The following KIAA1217 variants were observed in gnomAD, a reference collection of about 807,000 sequenced individuals.
KIAA1217 encodes the protein KIAA1217.
A neutral mutation model predicts 163.9 loss-of-function variants in KIAA1217; 88 were observed. The observed-to-expected ratio is 0.54, with a 90% CI of 0.45 to 0.64. The LOEUF (loss-of-function observed/expected upper bound fraction) is 0.64, where lower values mean the gene tolerates loss of function less well. Among genes scored for constraint, KIAA1217 ranks in the 30% least tolerant of loss-of-function variants. The probability of loss-of-function intolerance (pLI) is 0.00; values close to 1 mark genes in which losing one functional copy is unlikely to be tolerated. For synonymous variants in KIAA1217, 903 were observed against 923.1 expected, an observed-to-expected ratio of 0.98 and a Z score of 0.39; for missense variants, 2,372 against 2,475.0, an observed-to-expected ratio of 0.96 and a Z score of 0.88.
Position 24,501,518 on chromosome 10 carries a change from C to T in KIAA1217, c.1974C>T (p.Leu658=), listed in dbSNP as rs1351945888. ...EMRRSVAELR[L]QLQQMRQLQL... is the part of the protein sequence containing the mutation. ...GGCGGAGCGTGGCGGAACTCAGGCT[C>T]CAGCTCCAGCAGATGCGGCAGCTCC... The change falls in exon 9 of 21, where the codon CTC becomes CTT. Residue 658 remains leucine, a synonymous_variant. Coordinates refer to ENST00000376454, the MANE Select transcript of KIAA1217 (RefSeq NM_019590.5). The T allele has an allele frequency of 6.2e-7, 1 of 1,613,676 alleles. No homozygotes were observed. The highest frequency in any genetic ancestry group is 1.7e-5 in the Admixed American group (1 of 60,002).
At chr10:24,520,301 C>A (rs759877354) in intron 11 of KIAA1217, 48 bp downstream of exon 11, 2 of 1,599,762 alleles carry the variant, frequency 1.3e-6, no homozygotes, top group Non-Finnish European at 1.7e-6. Context: ...GTCTTTCCTG[C>A]GGTGTTTAAA....
At chr10:24,531,577 C>T (rs2135051078) in intron 14 of KIAA1217, among the ~76,000 whole-genome samples, 1 of 152,214 alleles carries the variant, frequency 6.6e-6, no homozygotes, top group East Asian at 1.9e-4. Context: ...TTATGACACC[C>T]CAGAGGAAAG....
At chr10:24,338,736 T>C (rs2046705039) in intron 2 of KIAA1217, among the ~76,000 whole-genome samples, 1 of 152,252 alleles carries the variant, frequency 6.6e-6, no homozygotes, top group Admixed American at 6.5e-5. Flanking sequence ...ATATTGTCAA[T>C]TTGAGGCATT....
intron 1 of KIAA1217, among the ~76,000 whole-genome samples, chr10:23,811,699 G>A: frequency 6.6e-6 from 1 of 152,166 alleles, no homozygotes; most frequent in East Asian, 1.9e-4. Flanking sequence ...GGCGATGGCA[G>A]TGGGAGACTG....
chr10:24,308,047 C>T (rs2042208206), intron 2 of KIAA1217, among the ~76,000 whole-genome samples: 1 of 152,108 alleles, frequency 6.6e-6, no homozygotes, highest in South Asian at 2.1e-4. Context: ...AAAAATATAG[C>T]CTAAGATAAT....
chr10:24,014,671 G>A (rs1204258871), intron 2 of KIAA1217, among the ~76,000 whole-genome samples: 2 of 152,150 alleles, frequency 1.3e-5, no homozygotes, highest in Non-Finnish European at 2.9e-5. Context: ...GAAATCTCAA[G>A]TCTGATGGAA....
intron 1 of KIAA1217, among the ~76,000 whole-genome samples, chr10:23,796,599 G>C (rs1836219511): frequency 6.6e-6 from 1 of 151,986 alleles, no homozygotes; most frequent in South Asian, 2.1e-4. Context: ...CTGACTTCAG[G>C]TGATCCACCC....
intron 2 of KIAA1217, among the ~76,000 whole-genome samples, chr10:24,299,279 C>T (rs2041006058): frequency 6.6e-6 from 1 of 152,206 alleles, no homozygotes; most frequent in African/African-American, 2.4e-5. Flanking sequence ...TTTGACCTGA[C>T]TTGAATCACT....
chr10:24,212,396 A>C (rs1423790240), intron 1 of KIAA1217, among the ~76,000 whole-genome samples: 3 of 152,176 alleles, frequency 2.0e-5, no homozygotes, highest in Non-Finnish European at 4.4e-5. Flanking sequence ...GTTGACTACA[A>C]TTTGGATATT....
intron 1 of KIAA1217, among the ~76,000 whole-genome samples, chr10:23,737,167 G>T (rs1344422894): frequency 6.6e-6 from 1 of 152,122 alleles, no homozygotes; most frequent in African/African-American, 2.4e-5. Context: ...TGTATGGAAG[G>T]CAAATAGTGT....
At chr10:23,960,233 C>T (rs769136833) in intron 1 of KIAA1217, among the ~76,000 whole-genome samples, 1 of 149,770 alleles carries the variant, frequency 6.7e-6, no homozygotes, top group Non-Finnish European at 1.5e-5. Flanking sequence ...TTTATAGCTT[C>T]CTGCAGGGGA....
At chr10:23,943,910 T>G (rs930138530) in intron 1 of KIAA1217, among the ~76,000 whole-genome samples, 1 of 152,198 alleles carries the variant, frequency 6.6e-6, no homozygotes, top group Non-Finnish European at 1.5e-5. Flanking sequence ...TTCCACCTAC[T>G]TCATCCCTCA....
At chr10:23,956,051 T>C (rs944453738) in intron 1 of KIAA1217, among the ~76,000 whole-genome samples, 1 of 152,204 alleles carries the variant, frequency 6.6e-6, no homozygotes, top group African/African-American at 2.4e-5. Context: ...TAAGTTACTA[T>C]GGAAATATTT....
chr10:24,021,715 A>T (rs545012278), intron 2 of KIAA1217, among the ~76,000 whole-genome samples: 1 of 152,040 alleles, frequency 6.6e-6, no homozygotes, highest in Admixed American at 6.6e-5. Flanking sequence ...CTATAAAGCT[A>T]TAGTAATCAA....
At chr10:24,271,164 A>G (rs1465732419) in intron 2 of KIAA1217, among the ~76,000 whole-genome samples, 2 of 152,120 alleles carry the variant, frequency 1.3e-5, no homozygotes, top group East Asian at 3.8e-4. Flanking sequence ...CATCAAAGTT[A>G]TTTTTCTAAG....
chr10:24,177,937 A>T (rs1359388337), intron 2 of KIAA1217, among the ~76,000 whole-genome samples: 1 of 152,208 alleles, frequency 6.6e-6, no homozygotes, highest in African/African-American at 2.4e-5. Context: ...TGTTTGCTGG[A>T]TCCTTTATCT....
intron 17 of KIAA1217, among the ~76,000 whole-genome samples, chr10:24,542,092 GT>G (rs1165522740): frequency 2.0e-5 from 3 of 152,150 alleles, no homozygotes; most frequent in African/African-American, 4.8e-5. Context: ...GGAAAATAAT[GT>G]TTTTTCGTCC....
chr10:24,386,415 T>C (rs61848116), intron 3 of KIAA1217, among the ~76,000 whole-genome samples: 17,681 of 152,224 alleles, frequency 0.12, 1,141 homozygotes, highest in South Asian at 0.31. Flanking sequence ...CCTGTGTACA[T>C]GCAAGGCTGA....
At position 24,511,172 on chromosome 10, in the gene KIAA1217, A is replaced by AAAAAAAAAAAAAAG. The variant is rs1554918365; in HGVS notation, c.2002-2086_2002-2085insAAAAAAAAAAAAGA. 6.2e-4 allele frequency among the ~76,000 whole-genome samples: 72 copies of AAAAAAAAAAAAAAG among 115,674 alleles called. 5 individuals carry two copies. The highest frequency in any genetic ancestry group is 1.8e-3 in the African/African-American group (48 of 27,118). The allele number at this position is 115,674 out of a possible 152,430, so 75.9% of individuals were successfully genotyped here. A position where few individuals can be genotyped will look rare whatever the true frequency, so the allele number is the denominator to read the frequency against. On this transcript the variant is annotated intron_variant, in intron 9 of 20. Coordinates refer to ENST00000376454, the MANE Select transcript of KIAA1217 (RefSeq NM_019590.5). ...TGTCTCAAAAAAAAAAAAAAAAAAA[A>AAAAAAAAAAAAAAG]AGGAGCCTGGCCCCTATGAAGAACT...
Sources: allele counts gnomAD v4.1 joint callset (sites outside exome capture counted in the v4.1 genomes callset), GRCh38; gene constraint gnomAD v4.1.1; transcripts MANE v1.5; gene names NCBI Gene and HGNC (gene_info 2026-07-23, HGNC 2026-07-21).